The following ZNF544 variants were observed in gnomAD, a reference collection of about 807,000 sequenced individuals.
ZNF544 encodes zinc finger protein 544, also known as zinc finger protein AF020591.
A neutral mutation model predicts 13.5 loss-of-function variants in ZNF544; 10 were observed. That is an observed-to-expected ratio of 0.74 (90% CI 0.46 to 1.25). The LOEUF is 1.25. Among genes scored for constraint, ZNF544 ranks in the 50% most tolerant of loss-of-function variants. ZNF544 has a pLI of 0.00. For missense variants in ZNF544, 896 were observed against 845.6 expected, an observed-to-expected ratio of 1.06 and a Z score of -0.74; for synonymous variants, 323 against 300.5, an observed-to-expected ratio of 1.07 and a Z score of -0.77.
At chr19:58,250,602 G>T (rs1038362968) in intron 6 of ZNF544, among the ~76,000 whole-genome samples, 1 of 152,130 alleles carries the variant, frequency 6.6e-6, no homozygotes, top group Admixed American at 6.5e-5. Context: ...ACTTTTCAAG[G>T]TTCCCAGGGC....
chr19:58,264,659 C>G (rs534490764), downstream of ZNF544, among the ~76,000 whole-genome samples: 96 of 152,106 alleles, frequency 6.3e-4, no homozygotes, highest in African/African-American at 2.3e-3. Flanking sequence ...CCACTGCACT[C>G]TAGCTTGGGC....
At chr19:58,249,165 A>G (rs114632448) in intron 6 of ZNF544, among the ~76,000 whole-genome samples, 469 of 152,322 alleles carry the variant, frequency 3.1e-3, no homozygotes, top group African/African-American at 0.011. Context: ...GGAAGTCAGC[A>G]TTAATCACCC....
chr19:58,262,112 C>T lies in ZNF544; in HGVS notation c.1506C>T (p.Ser502=), dbSNP rs1363102032. The T allele has an allele frequency of 6.2e-7, 1 of 1,611,418 alleles. No individual in the cohort carries two copies. Among genetic ancestry groups the T allele is most frequent in the East Asian group, 2.2e-5 (1 of 44,706 alleles). Residue 502 remains serine, a synonymous_variant, in exon 7 of 7, where the codon AGC becomes AGT. Coordinates refer to ENST00000687789, the MANE Select transcript of ZNF544 (RefSeq NM_014480.4). ...GTACTCAGTGTGGGAAATCTTTCAG[C>T]CAGAAGTATGACCTTGTTGTACATC... The part of the protein sequence containing the change: ...FKCTQCGKSF[S]QKYDLVVHQR...
At position 58,262,932 on chromosome 19, in the gene ZNF544, A is replaced by T. The variant is rs911762442; in HGVS notation, c.*178A>T. The T allele has an allele frequency of 6.3e-6, 9 of 1,438,178 alleles. No individual in the cohort carries two copies. The African/African-American group carries it at 1.3e-4, about 21-fold the overall frequency. 89.1% of individuals were successfully genotyped at this position (1,438,178 alleles called of 1,614,324 possible). On this transcript the variant is annotated 3_prime_UTR_variant, in exon 7 of 7. Coordinates refer to ENST00000687789, the MANE Select transcript of ZNF544 (RefSeq NM_014480.4). ...CCCTACGAATGCATTGATTGTGGGA[A>T]AGCCTTCAATGATCGCTCAACCCTT...
chr19:58,257,587 G>C (rs940422407), intron 6 of ZNF544: 6 of 152,316 alleles, frequency 3.9e-5, no homozygotes, highest in Admixed American at 3.9e-4. Context: ...AAAGTTGGGG[G>C]GAGTTGCAAA....
Position 58,252,210 on chromosome 19 carries a change from A to T in ZNF544, c.244+5416A>T, listed in dbSNP as rs538329517. On this transcript the variant is annotated intron_variant, in intron 6 of 6. Coordinates refer to ENST00000687789, the MANE Select transcript of ZNF544 (RefSeq NM_014480.4). The stretch of plus-strand genomic sequence containing the variant: ...AATTAATTTTTCATAAACCTTCTAC[A>T]GCTTGTCTTTTAACCCTCCAAACTT... Among the ~76,000 whole-genome samples the T allele has an allele frequency of 3.3e-5, 5 of 152,334 alleles. No individual in the cohort carries two copies. The South Asian group carries it at 1.0e-3, about 32-fold the overall frequency.
intron 6 of ZNF544, among the ~76,000 whole-genome samples, chr19:58,276,953 G>T (rs2051269255): frequency 6.6e-6 from 1 of 152,212 alleles, no homozygotes; most frequent in Admixed American, 6.5e-5. Context: ...TACTTTTCTT[G>T]TAAGGATTAA....
intron 6 of ZNF544, among the ~76,000 whole-genome samples, chr19:58,276,833 G>T (rs1347564322): frequency 6.6e-6 from 1 of 152,232 alleles, no homozygotes; most frequent in Non-Finnish European, 1.5e-5. Context: ...TGTGATTCAT[G>T]AATCTGGGCA....
intron 3 of ZNF544, among the ~76,000 whole-genome samples, chr19:58,241,912 G>A (rs1369475734): frequency 7.1e-6 from 1 of 140,608 alleles, no homozygotes; most frequent in East Asian, 2.6e-4. Context: ...CACTGAATTT[G>A]CTGTTCACTT....
chr19:58,275,489 TATAATCAAGGAGATAAACA>T (rs2051142335), intron 5 of ZNF544, among the ~76,000 whole-genome samples: 2 of 151,334 alleles, frequency 1.3e-5, no homozygotes, highest in Admixed American at 6.6e-5. Context: ...ACTCCTACCT[TATAATCAAGGAGATAAACA>T]AGAACTAGAA....
At chr19:58,236,616 C>T (rs1394426560) in intron 3 of ZNF544, among the ~76,000 whole-genome samples, 1 of 151,912 alleles carries the variant, frequency 6.6e-6, no homozygotes, top group Non-Finnish European at 1.5e-5. Context: ...TGCCCTTCAC[C>T]CAGCTTTTCC....
At chr19:58,251,465 A>G (rs1023589561) in intron 6 of ZNF544, 3 of 486,442 alleles carry the variant, frequency 6.2e-6, no homozygotes, top group African/African-American at 3.9e-5. Flanking sequence ...AGTACTGAAA[A>G]TGGTCCCTTC....
At chr19:58,229,287 GGGTGGGACTGGGTGGGACTGGGTGGGACT>G in intron 1 of ZNF544, 152 bp from the exon 2 acceptor site, 1 of 56,728 alleles carries the variant, frequency 1.8e-5, no homozygotes, top group African/African-American at 7.4e-5. Flanking sequence ...GGGTGGGACT[GGGTGGGACTGGGTGGGACTGGGTGGGACT>G]GGGTGGGCCC....
chr19:58,240,103 G>A (rs2043244880), intron 3 of ZNF544, among the ~76,000 whole-genome samples: 1 of 152,006 alleles, frequency 6.6e-6, no homozygotes, highest in Non-Finnish European at 1.5e-5. Flanking sequence ...TGTAGGCATG[G>A]AGCCTATATA....
chr19:58,247,949 C>CT (rs1220896972), intron 6 of ZNF544, among the ~76,000 whole-genome samples: 3 of 151,652 alleles, frequency 2.0e-5, no homozygotes, highest in Non-Finnish European at 4.4e-5. Flanking sequence ...GAGTCTCACT[C>CT]TGTCACCAGG....
intron 5 of ZNF544, among the ~76,000 whole-genome samples, chr19:58,273,492 C>T (rs2050903048): frequency 6.6e-6 from 1 of 151,998 alleles, no homozygotes; most frequent in East Asian, 2.0e-4. Context: ...AGATAGAGAC[C>T]CGCCTGGCCA....
intron 6 of ZNF544, among the ~76,000 whole-genome samples, chr19:58,252,923 A>C (rs2046529538): frequency 6.6e-6 from 1 of 152,138 alleles, no homozygotes; most frequent in Non-Finnish European, 1.5e-5. Flanking sequence ...TGGTTCAAGC[A>C]ATTCTCCAGC....
At chr19:58,270,814 G>A (rs969512816) in intron 5 of ZNF544, among the ~76,000 whole-genome samples, 1 of 152,176 alleles carries the variant, frequency 6.6e-6, no homozygotes, top group African/African-American at 2.4e-5. Context: ...TGATATGTAA[G>A]TTTATTTAGA....
chr19:58,267,427 G>T (rs979423084), downstream of ZNF544, among the ~76,000 whole-genome samples: 11 of 152,122 alleles, frequency 7.2e-5, no homozygotes, highest in East Asian at 2.1e-3. Flanking sequence ...AAGGCCGGGT[G>T]TGGTGGCTCA....
Sources: gnomAD v4.1 joint callset for allele counts (sites outside exome capture counted in the v4.1 genomes callset) on GRCh38, gnomAD v4.1.1 for gene constraint, MANE v1.5 for transcripts, NCBI Gene and HGNC (gene_info 2026-07-23, HGNC 2026-07-21) for gene names.